Variants in MTMR10 observed in about 807,000 individuals in gnomAD.
MTMR10 encodes myotubularin related protein 10, also known as myotubularin-related protein 10.
MTMR10 carries 56 observed loss-of-function variants against 88.1 expected under a neutral mutation model. The ratio of observed to expected loss-of-function variants is 0.64; its 90% CI spans 0.51 to 0.79. The LOEUF (loss-of-function observed/expected upper bound fraction) is 0.79. Among genes scored for constraint, MTMR10 ranks in the 30% least tolerant of loss-of-function variants. The probability of loss-of-function intolerance (pLI) is 0.00; values close to 1 mark genes in which losing one functional copy is unlikely to be tolerated. For synonymous variants in MTMR10, 380 were observed against 340.9 expected, an observed-to-expected ratio of 1.11 and a Z score of -1.26; for missense variants, 883 against 924.7, an observed-to-expected ratio of 0.95 and a Z score of 0.58.
At chr15:30,948,822 G>T (rs545152430) in intron 12 of MTMR10, 193 of 286,822 alleles carry the variant, frequency 6.7e-4, no homozygotes, top group Non-Finnish European at 1.1e-3. Flanking sequence ...TCTACTGACA[G>T]GCCACATGGC....
intron 14 of MTMR10, among the ~76,000 whole-genome samples, chr15:30,944,731 CCAAG>C (rs1330263183): frequency 1.3e-5 from 2 of 151,930 alleles, no homozygotes; most frequent in Non-Finnish European, 2.9e-5. Flanking sequence ...GTCCTCTTGG[CCAAG>C]CACGGTGGCT....
the MTMR10 span, among the ~76,000 whole-genome samples, chr15:30,933,655 TTTAAG>T: frequency 6.6e-6 from 1 of 152,088 alleles, no homozygotes; most frequent in African/African-American, 2.4e-5. Context: ...GATAGTGTTG[TTTAAG>T]TTGTCTGTGT....
chr15:30,989,284 C>T (rs1296011317), intron 2 of MTMR10, among the ~76,000 whole-genome samples: 1 of 152,074 alleles, frequency 6.6e-6, no homozygotes, highest in African/African-American at 2.4e-5. Context: ...ACTGTTCACT[C>T]TGAGGAAAAG....
chr15:30,929,734 A>T, the MTMR10 span, among the ~76,000 whole-genome samples: 1 of 55,144 alleles, frequency 1.8e-5, no homozygotes, highest in East Asian at 4.6e-4. Context: ...AAAATATATA[A>T]TATATTATAT....
intron 14 of MTMR10, 138 bp from the exon 15 acceptor site, chr15:30,943,210 C>G: frequency 9.2e-6 from 13 of 1,407,660 alleles, no homozygotes; most frequent in African/African-American, 1.4e-5. Context: ...GGCACTTTCA[C>G]TTCAAGAGAG....
chr15:30,970,013 A>G (rs1317210526), intron 5 of MTMR10, among the ~76,000 whole-genome samples: 1 of 152,198 alleles, frequency 6.6e-6, no homozygotes, highest in Non-Finnish European at 1.5e-5. Context: ...CAGTTTCAAT[A>G]TAAAGCGTCT....
the MTMR10 span, chr15:30,922,241 G>A: frequency 1.2e-4 from 196 of 1,605,426 alleles, no homozygotes; most frequent in Middle Eastern, 3.3e-4. Flanking sequence ...ATAGGAAGCC[G>A]TCAGAGAACT....
intron 2 of MTMR10, among the ~76,000 whole-genome samples, chr15:30,988,983 G>A (rs2031131692): frequency 9.2e-6 from 1 of 108,750 alleles, no homozygotes; most frequent in Non-Finnish European, 1.7e-5. Context: ...GTGAGACTCT[G>A]TCTCAAAAAA....
chr15:30,930,283 C>T, the MTMR10 span, among the ~76,000 whole-genome samples: 1 of 152,024 alleles, frequency 6.6e-6, no homozygotes, highest in Non-Finnish European at 1.5e-5. Context: ...CCCTCTTCCT[C>T]AGCGCTCCCC....
chr15:30,941,257 TAATGACAGAAA>T lies in MTMR10; in HGVS notation c.*202_*212del. 1 of 1,463,816 alleles carries T rather than the reference TAATGACAGAAA, an allele frequency of 6.8e-7. No individual in the cohort carries two copies. Among genetic ancestry groups the T allele is most frequent in the Non-Finnish European group, 9.1e-7 (1 of 1,102,118 alleles). 90.7% of individuals were successfully genotyped at this position (1,463,816 alleles called of 1,614,324 possible). On this transcript the variant is annotated 3_prime_UTR_variant, in exon 16 of 16. Transcript: ENST00000435680. ...ATCACGGTTACAAGAGCCAGACCTG[TAATGACAGAAA>T]GAGGACAGGAACAAAATTTACATCT...
chr15:30,930,523 G>T, the MTMR10 span: 1 of 1,580,124 alleles, frequency 6.3e-7, no homozygotes. Context: ...GTGGCTAACT[G>T]TCCTGTGTTT....
At chr15:30,967,763 T>G (rs1211697428) in intron 6 of MTMR10, among the ~76,000 whole-genome samples, 157 bp downstream of exon 6, 1 of 152,198 alleles carries the variant, frequency 6.6e-6, no homozygotes, top group African/African-American at 2.4e-5. Context: ...TCTGACAAAC[T>G]ATTGGCTCTT....
rs570197477 is a variant in MTMR10 at position 30,960,715 on chromosome 15, A to G, written c.758+166T>C. Among the ~76,000 whole-genome samples, 3 of 152,374 alleles carry G rather than the reference A, an allele frequency of 2.0e-5. No homozygotes were observed. The East Asian group carries it at 5.8e-4, about 29-fold the overall frequency. On this transcript the variant is annotated intron_variant, in intron 7 of 15. Coordinates refer to ENST00000435680, the MANE Select transcript of MTMR10 (RefSeq NM_017762.3). ...CTTCTTTTAAGGGATACCGTAATTT[A>G]TATTAATAAGCCTTGATCTTTAAAA...
Position 30,939,905 on chromosome 15 carries a change from G to C in MTMR10, c.*1565C>G, listed in dbSNP as rs2062980998. ...AGGCAACAAGTTGGCAAAAACCTTG[G>C]GTTTACCCATAAAGTGAATTTCTTA... On this transcript the variant is annotated 3_prime_UTR_variant, in exon 16 of 16. Coordinates refer to ENST00000435680, the MANE Select transcript of MTMR10 (RefSeq NM_017762.3). 4 of 985,224 alleles carry C rather than the reference G, an allele frequency of 4.1e-6. No individual in the cohort carries two copies. Among genetic ancestry groups the C allele is most frequent in the Non-Finnish European group, 4.8e-6 (4 of 829,852 alleles). 61.0% of individuals were successfully genotyped at this position (985,224 alleles called of 1,614,324 possible).
chr15:30,985,982 A>G (rs2030913767), intron 2 of MTMR10, among the ~76,000 whole-genome samples: 1 of 152,172 alleles, frequency 6.6e-6, no homozygotes, highest in South Asian at 2.1e-4. Context: ...TAGTCAGGAA[A>G]GGATAATTTG....
In MTMR10 at chr15:30,975,112, CA is replaced by C. The variant is rs1368646661; in HGVS notation, c.259-110del. On this transcript the variant is annotated intron_variant, in intron 3 of 15. Transcript: ENST00000435680. ...CTGTGACAGTTATCTCTAAAAAGCA[CA>C]AAAAGCTTTTGTCTAGGTAGCTAGG... The C allele has an allele frequency of 6.0e-6, 5 of 835,502 alleles. No homozygotes were observed. The African/African-American group carries it at 6.9e-5, about 12-fold the overall frequency. 51.8% of individuals were successfully genotyped at this position (835,502 alleles called of 1,614,324 possible).
At chr15:30,968,698 A>G (rs2063502337) in intron 5 of MTMR10, among the ~76,000 whole-genome samples, 1 of 152,138 alleles carries the variant, frequency 6.6e-6, no homozygotes, top group Admixed American at 6.5e-5. Flanking sequence ...GCTACATAAC[A>G]TGTGTGAAGT....
At chr15:30,943,412 A>G in intron 14 of MTMR10, 1 of 984,654 alleles carries the variant, frequency 1.0e-6, no homozygotes, top group Non-Finnish European at 1.2e-6. Context: ...CTATAATTAC[A>G]GTATTTTACT....
intron 2 of MTMR10, among the ~76,000 whole-genome samples, chr15:30,978,474 A>T (rs2030321208): frequency 6.6e-6 from 1 of 152,202 alleles, no homozygotes; most frequent in African/African-American, 2.4e-5. Flanking sequence ...AGAAACTAGT[A>T]ATTCAATATG....
Sources: gnomAD v4.1 joint callset for allele counts (sites outside exome capture counted in the v4.1 genomes callset) on GRCh38, gnomAD v4.1.1 for gene constraint, MANE v1.5 for transcripts, NCBI Gene and HGNC (gene_info 2026-07-23, HGNC 2026-07-21) for gene names.